CSGALNACT1: variants seen among roughly 807,000 people sequenced by gnomAD.
CSGALNACT1 encodes the protein chondroitin sulfate N-acetylgalactosaminyltransferase 1, also known as beta4GalNAcT-1.
A neutral mutation model predicts 51.0 loss-of-function variants in CSGALNACT1; 52 were observed. The observed-to-expected ratio is 1.02, with a 90% CI of 0.82 to 1.29. The LOEUF is 1.29. Ranked by LOEUF, CSGALNACT1 falls within the 50% of genes most tolerant of loss-of-function variation. The probability of loss-of-function intolerance (pLI) is 0.00; values close to 1 mark genes in which losing one functional copy is unlikely to be tolerated. For missense variants in CSGALNACT1, 935 were observed against 679.2 expected (o/e 1.38, Z -4.19); for synonymous variants, 341 against 254.4 (o/e 1.34, Z -3.24).
intron 5 of CSGALNACT1, among the ~76,000 whole-genome samples, chr8:19,443,486 T>C (rs1450708340): frequency 6.6e-6 from 1 of 152,152 alleles, no homozygotes; most frequent in African/African-American, 2.4e-5. Context: ...CAGTTCCACA[T>C]GGATGGGGAG....
At chr8:19,501,304 C>T (rs1350734073) in intron 4 of CSGALNACT1, among the ~76,000 whole-genome samples, 2 of 151,594 alleles carry the variant, frequency 1.3e-5, no homozygotes, top group Non-Finnish European at 2.9e-5. Flanking sequence ...TACACAGAAC[C>T]TCTCTTACAT....
At chr8:19,484,588 G>C (rs2072384374) in intron 4 of CSGALNACT1, among the ~76,000 whole-genome samples, 1 of 152,162 alleles carries the variant, frequency 6.6e-6, no homozygotes, top group East Asian at 1.9e-4. Flanking sequence ...CATTTCAGGA[G>C]TCAAGTTGCC....
chr8:19,493,869 TATACACAC>T (rs1374705232), intron 4 of CSGALNACT1, among the ~76,000 whole-genome samples: 2 of 110,740 alleles, frequency 1.8e-5, no homozygotes, highest in Non-Finnish European at 3.9e-5. Context: ...TATGTGTGTT[TATACACAC>T]ACACACACAC....
At chr8:19,653,444 C>A (rs1179701594) in intron 1 of CSGALNACT1, among the ~76,000 whole-genome samples, 1 of 152,128 alleles carries the variant, frequency 6.6e-6, no homozygotes, top group African/African-American at 2.4e-5. Context: ...ACCCTGCACC[C>A]TCATCCAATC....
chr8:19,526,453 C>T lies in CSGALNACT1; in HGVS notation c.-296-20323G>A, dbSNP rs560577085. On this transcript the variant is annotated intron_variant, in intron 3 of 9. Transcript: ENST00000454498. ...CAAAAATTAGCTGGGCATGGTGGTA[C>T]GCGCCTGTAGTGCCAGCTACTCGGG... Among the ~76,000 whole-genome samples the T allele has an allele frequency of 2.1e-4, 32 of 152,174 alleles. No homozygotes were observed. In the East Asian group the frequency reaches 3.5e-3, roughly 17 times the overall value.
chr8:19,447,651 G>C (rs962860443), intron 5 of CSGALNACT1, among the ~76,000 whole-genome samples: 1 of 152,212 alleles, frequency 6.6e-6, no homozygotes, highest in Non-Finnish European at 1.5e-5. Flanking sequence ...GACCTTGCCA[G>C]ATGTCCCAGA....
chr8:19,617,937 T>A (rs1256439505), intron 1 of CSGALNACT1, among the ~76,000 whole-genome samples: 1 of 152,098 alleles, frequency 6.6e-6, no homozygotes, highest in Non-Finnish European at 1.5e-5. Context: ...TAGAGAGCAG[T>A]GGTGTGATCA....
chr8:19,538,960 G>C (rs1403841992), intron 3 of CSGALNACT1, among the ~76,000 whole-genome samples: 1 of 152,110 alleles, frequency 6.6e-6, no homozygotes, highest in Non-Finnish European at 1.5e-5. Flanking sequence ...CTTCTGTTAG[G>C]TGTCAGCTGA....
At chr8:19,453,258 G>A (rs2063515806) in intron 5 of CSGALNACT1, among the ~76,000 whole-genome samples, 1 of 152,068 alleles carries the variant, frequency 6.6e-6, no homozygotes, top group African/African-American at 2.4e-5. Flanking sequence ...AGTCCAAAGA[G>A]AAAACAATAA....
At chr8:19,513,404 TTCTCTCTCTCAC>T (rs768406060) in intron 3 of CSGALNACT1, among the ~76,000 whole-genome samples, 1 of 95,070 alleles carries the variant, frequency 1.1e-5, no homozygotes, top group Non-Finnish European at 2.2e-5. Flanking sequence ...TCATAGAATT[TTCTCTCTCTCAC>T]TCTCTCTCTC....
chr8:19,531,637 T>G (rs1340683564), intron 3 of CSGALNACT1, among the ~76,000 whole-genome samples: 1 of 152,226 alleles, frequency 6.6e-6, no homozygotes, highest in Non-Finnish European at 1.5e-5. Context: ...TCTCATGACT[T>G]CAAGGCAGGA....
chr8:19,607,178 A>G (rs1375026236), upstream of CSGALNACT1, among the ~76,000 whole-genome samples: 1 of 151,940 alleles, frequency 6.6e-6, no homozygotes, highest in East Asian at 1.9e-4. Context: ...AAGATTTACC[A>G]AGTGCCTCCA....
chr8:19,416,966 G>A (rs1563290331), intron 8 of CSGALNACT1, among the ~76,000 whole-genome samples: 2 of 152,042 alleles, frequency 1.3e-5, no homozygotes, highest in East Asian at 3.9e-4. Flanking sequence ...AGGCTCAAGC[G>A]ATTTTCAACC....
intron 3 of CSGALNACT1, among the ~76,000 whole-genome samples, chr8:19,574,569 G>A (rs561115448): frequency 9.8e-4 from 149 of 152,262 alleles, no homozygotes; most frequent in African/African-American, 3.5e-3. Context: ...CATATGGTGT[G>A]GAACTGGCAC....
upstream of CSGALNACT1, among the ~76,000 whole-genome samples, chr8:19,605,401 A>G (rs997683987): frequency 6.6e-6 from 1 of 152,052 alleles, no homozygotes; most frequent in East Asian, 1.9e-4. Context: ...GTGCCACTGC[A>G]CTCCAGCCTG....
At chr8:19,539,674 C>G (rs1462777140) in intron 3 of CSGALNACT1, among the ~76,000 whole-genome samples, 1 of 152,188 alleles carries the variant, frequency 6.6e-6, no homozygotes, top group African/African-American at 2.4e-5. Flanking sequence ...CAGGCCACAA[C>G]AGGAGTATGC....
intron 1 of CSGALNACT1, among the ~76,000 whole-genome samples, chr8:19,702,440 A>G (rs2061931673): frequency 6.6e-6 from 1 of 152,150 alleles, no homozygotes; most frequent in South Asian, 2.1e-4. Flanking sequence ...TCAGCCCAGG[A>G]GTTGAAGGCT....
At chr8:19,650,958 A>G (rs926120210) in intron 1 of CSGALNACT1, among the ~76,000 whole-genome samples, 13 of 152,194 alleles carry the variant, frequency 8.5e-5, no homozygotes, top group African/African-American at 3.1e-4. Flanking sequence ...GATAATTCTA[A>G]GAGTTTACAG....
At chr8:19,536,136 C>A (rs2083678487) in intron 3 of CSGALNACT1, among the ~76,000 whole-genome samples, 1 of 152,070 alleles carries the variant, frequency 6.6e-6, no homozygotes, top group Non-Finnish European at 1.5e-5. Flanking sequence ...GATATAAGAT[C>A]AATATATGAC....
Sources: gnomAD v4.1 joint callset for allele counts (sites outside exome capture counted in the v4.1 genomes callset) on GRCh38, gnomAD v4.1.1 for gene constraint, MANE v1.5 for transcripts, NCBI Gene and HGNC (gene_info 2026-07-23, HGNC 2026-07-21) for gene names.